Variants in RGS7 observed in about 807,000 individuals in gnomAD.
RGS7 encodes the protein regulator of G-protein signaling 7.
A neutral mutation model predicts 81.1 loss-of-function variants in RGS7; 27 were observed. The observed-to-expected ratio is 0.33, with a 90% CI of 0.25 to 0.46. The LOEUF (loss-of-function observed/expected upper bound fraction) is 0.46, where lower values mean the gene tolerates loss of function less well. Among genes scored for constraint, RGS7 ranks in the 20% least tolerant of loss-of-function variants. The pLI is 1.00. For synonymous variants in RGS7, 208 were observed against 207.7 expected (o/e 1.00, Z -0.01); for missense variants, 396 against 607.4 (o/e 0.65, Z 3.66).
At chr1:241,115,556 T>C (rs1028541995) in intron 2 of RGS7, among the ~76,000 whole-genome samples, 2 of 152,202 alleles carry the variant, frequency 1.3e-5, no homozygotes, top group Non-Finnish European at 2.9e-5. Context: ...GTCTCCCCCA[T>C]TGTATGTGTA....
At chr1:241,176,592 G>A (rs1019380609) in intron 2 of RGS7, among the ~76,000 whole-genome samples, 8 of 152,248 alleles carry the variant, frequency 5.3e-5, no homozygotes, top group South Asian at 2.1e-4. Context: ...CTCAATCAAT[G>A]TCACAGGAAA....
intron 3 of RGS7, among the ~76,000 whole-genome samples, chr1:241,051,041 T>C (rs143351442): frequency 6.6e-4 from 100 of 152,246 alleles, no homozygotes; most frequent in African/African-American, 2.3e-3. Flanking sequence ...TCCTAGGTTA[T>C]GAGGGTCTCT....
At chr1:241,108,985 A>G (rs1258604137) in intron 2 of RGS7, among the ~76,000 whole-genome samples, 1 of 151,886 alleles carries the variant, frequency 6.6e-6, no homozygotes, top group East Asian at 1.9e-4. Flanking sequence ...CGAACTCCTT[A>G]CCTCCTGATC....
In RGS7 at chr1:241,224,864, T is replaced by C. The variant is rs576207961; in HGVS notation, c.79-126102A>G. Among the ~76,000 whole-genome samples, 7 of 152,272 alleles carry C rather than the reference T, an allele frequency of 4.6e-5. No homozygotes were observed. In the South Asian group the frequency reaches 1.5e-3, roughly 32 times the overall value. On this transcript the variant is annotated intron_variant, in intron 2 of 18. Transcript: ENST00000440928. ...TTCTCTCCACAGTATAGCTCAGTGA[T>C]TGCCACACCACAGATGCTCAACAAA...
At chr1:240,943,307 T>C (rs567794905) in intron 4 of RGS7, among the ~76,000 whole-genome samples, 1 of 152,310 alleles carries the variant, frequency 6.6e-6, no homozygotes, top group Admixed American at 6.5e-5. Context: ...GCAAGAGACT[T>C]GGATTCTCTG....
chr1:241,286,473 C>A (rs546253962), intron 2 of RGS7, among the ~76,000 whole-genome samples: 1 of 152,250 alleles, frequency 6.6e-6, no homozygotes, highest in African/African-American at 2.4e-5. Flanking sequence ...AGAATTCCCA[C>A]CCCCAAAAAA....
intron 9 of RGS7, among the ~76,000 whole-genome samples, chr1:240,831,179 G>A (rs1250417186): frequency 6.6e-6 from 1 of 152,116 alleles, no homozygotes; most frequent in East Asian, 1.9e-4. Flanking sequence ...TGGGATGCTT[G>A]TCTCGGAGGC....
chr1:241,318,744 G>A (rs1318348511), intron 2 of RGS7, among the ~76,000 whole-genome samples: 2 of 152,110 alleles, frequency 1.3e-5, no homozygotes, highest in Non-Finnish European at 2.9e-5. Context: ...CCAAAGTACT[G>A]GGATTACAGG....
intron 4 of RGS7, among the ~76,000 whole-genome samples, chr1:240,977,091 TACACACACACAC>T (rs60732630): frequency 1.4e-3 from 181 of 133,814 alleles, no homozygotes; most frequent in East Asian, 4.0e-3. Context: ...TATCCATCTG[TACACACACACAC>T]ACACACACAC....
At chr1:240,955,642 C>T (rs532009830) in intron 4 of RGS7, among the ~76,000 whole-genome samples, 16 of 150,812 alleles carry the variant, frequency 1.1e-4, no homozygotes, top group Admixed American at 2.0e-4. Flanking sequence ...GTAATCAAGA[C>T]AGTGAGTACT....
At chr1:241,209,764 G>A (rs1339966434) in intron 2 of RGS7, among the ~76,000 whole-genome samples, 1 of 152,148 alleles carries the variant, frequency 6.6e-6, no homozygotes, top group Non-Finnish European at 1.5e-5. Context: ...TTGAGCCTGG[G>A]AGACTGAGGC....
chr1:240,820,971 C>CAG (rs747719193), intron 10 of RGS7, among the ~76,000 whole-genome samples: 7 of 152,116 alleles, frequency 4.6e-5, no homozygotes, highest in Non-Finnish European at 8.8e-5. Context: ...CTCTTTCTTT[C>CAG]ACGGTTGCTC....
intron 2 of RGS7, among the ~76,000 whole-genome samples, chr1:241,129,430 C>A (rs978918465): frequency 1.3e-5 from 2 of 149,882 alleles, no homozygotes; most frequent in African/African-American, 5.1e-5. Flanking sequence ...ATGGGACCTT[C>A]CCAGCCACGA....
At chr1:241,061,724 A>C (rs539546131) in intron 3 of RGS7, among the ~76,000 whole-genome samples, 1 of 152,298 alleles carries the variant, frequency 6.6e-6, no homozygotes, top group African/African-American at 2.4e-5. Flanking sequence ...AACCAGGTGA[A>C]GGTTTGGGAA....
At chr1:240,861,816 T>C (rs1223015205) in intron 9 of RGS7, among the ~76,000 whole-genome samples, 3 of 152,118 alleles carry the variant, frequency 2.0e-5, no homozygotes, top group Non-Finnish European at 4.4e-5. Flanking sequence ...TCATCCACAT[T>C]CTTTTTAAAG....
chr1:241,336,823 T>A (rs545793231), intron 2 of RGS7, among the ~76,000 whole-genome samples: 7 of 152,320 alleles, frequency 4.6e-5, no homozygotes, highest in African/African-American at 1.7e-4. Flanking sequence ...GTTATCACAA[T>A]AATCCTCTGG....
intron 2 of RGS7, among the ~76,000 whole-genome samples, chr1:241,198,612 T>A (rs1251917721): frequency 6.8e-6 from 1 of 145,998 alleles, no homozygotes; most frequent in Admixed American, 6.6e-5. Context: ...ACAAGCTAAC[T>A]AAACTGACAC....
intron 2 of RGS7, among the ~76,000 whole-genome samples, chr1:241,107,940 G>A (rs1291395328): frequency 1.3e-5 from 2 of 152,020 alleles, no homozygotes; most frequent in African/African-American, 4.8e-5. Context: ...TTATATAGCA[G>A]AAAAAAGTGT....
At chr1:241,199,238 T>C (rs2073312800) in intron 2 of RGS7, among the ~76,000 whole-genome samples, 1 of 151,918 alleles carries the variant, frequency 6.6e-6, no homozygotes, top group Non-Finnish European at 1.5e-5. Context: ...GGGCGGATCA[T>C]GAAGTCAAGA....
Sources: gnomAD v4.1 joint callset for allele counts (sites outside exome capture counted in the v4.1 genomes callset) on GRCh38, gnomAD v4.1.1 for gene constraint, MANE v1.5 for transcripts, NCBI Gene and HGNC (gene_info 2026-07-23, HGNC 2026-07-21) for gene names.